Variants in GALNTL6 observed in about 807,000 individuals in gnomAD.
GALNTL6 encodes polypeptide N-acetylgalactosaminyltransferase-like 6.
GALNTL6 carries 46 observed loss-of-function variants against 73.7 expected under a neutral mutation model. That is an observed-to-expected ratio of 0.62 (90% CI 0.49 to 0.80). The LOEUF (loss-of-function observed/expected upper bound fraction) is 0.80, where lower values mean the gene tolerates loss of function less well. Ranked by LOEUF, GALNTL6 falls within the 30% of genes least tolerant of loss-of-function variation. GALNTL6 has a pLI of 0.00. For synonymous variants in GALNTL6, 259 were observed against 263.7 expected (o/e 0.98, Z 0.17); for missense variants, 604 against 755.0 (o/e 0.80, Z 2.34).
chr4:172,663,704 G>A (rs1048991526), intron 5 of GALNTL6, among the ~76,000 whole-genome samples: 4 of 152,182 alleles, frequency 2.6e-5, no homozygotes, highest in East Asian at 1.9e-4. Context: ...TGAGGCGGGT[G>A]GCTCACTTAG....
At chr4:172,371,005 G>C (rs1742787816) in intron 5 of GALNTL6, among the ~76,000 whole-genome samples, 1 of 152,088 alleles carries the variant, frequency 6.6e-6, no homozygotes, top group Non-Finnish European at 1.5e-5. Context: ...ATTTTTCTTT[G>C]CTATTAATAA....
rs189272449 is a variant in GALNTL6, at chr4:172,241,552, A to G, written c.247+11788A>G. On this transcript the variant is annotated intron_variant, in intron 3 of 12. Transcript: ENST00000506823. ...AGAGTTTTTATTATTTCATAATCTT[A>G]CACTTCATTATTTTGGTGTTAGCAT... Among the ~76,000 whole-genome samples, 269 of 152,330 alleles carry G rather than the reference A, an allele frequency of 1.8e-3. 2 individuals are homozygous for G. Among genetic ancestry groups the G allele is most frequent in the Admixed American group, 3.5e-3 (54 of 15,300 alleles).
chr4:171,970,957 T>A (rs1739552309), intron 2 of GALNTL6, among the ~76,000 whole-genome samples: 1 of 152,188 alleles, frequency 6.6e-6, no homozygotes, highest in South Asian at 2.1e-4. Context: ...AAAGATGAAA[T>A]CTGACTTTAT....
At chr4:172,645,218 T>C (rs1217748543) in intron 5 of GALNTL6, among the ~76,000 whole-genome samples, 1 of 152,002 alleles carries the variant, frequency 6.6e-6, no homozygotes, top group Non-Finnish European at 1.5e-5. Flanking sequence ...AATTTATTCA[T>C]CTTTTATTTC....
chr4:171,836,140 A>G (rs182568794), intron 2 of GALNTL6, among the ~76,000 whole-genome samples: 1 of 152,092 alleles, frequency 6.6e-6, no homozygotes, highest in African/African-American at 2.4e-5. Context: ...TAGTGTGGAC[A>G]CTGAAACAGT....
At chr4:172,515,726 G>C (rs1734582980) in intron 5 of GALNTL6, among the ~76,000 whole-genome samples, 1 of 152,144 alleles carries the variant, frequency 6.6e-6, no homozygotes, top group Non-Finnish European at 1.5e-5. Flanking sequence ...CTGGCTACTG[G>C]AACAGAGTTG....
intron 5 of GALNTL6, among the ~76,000 whole-genome samples, chr4:172,544,217 C>A (rs1160494188): frequency 1.3e-5 from 2 of 151,990 alleles, no homozygotes. Context: ...AGATTTAGAT[C>A]CATTTCCATG....
chr4:173,004,125 T>C (rs927947965), intron 10 of GALNTL6, among the ~76,000 whole-genome samples: 1 of 151,198 alleles, frequency 6.6e-6, no homozygotes, highest in Non-Finnish European at 1.5e-5. Context: ...TGGCAAGCTG[T>C]GTGAGCTGTG....
rs183681008 is a variant in GALNTL6 at position 172,393,443 on chromosome 4, G to T, written c.553+44754G>T. 3.2e-3 allele frequency among the ~76,000 whole-genome samples: 482 copies of T among 152,138 alleles called. 3 individuals are homozygous for T. The highest frequency in any genetic ancestry group is 5.2e-3 in the Non-Finnish European group (351 of 67,996). On this transcript the variant is annotated intron_variant, in intron 5 of 12. Transcript: ENST00000506823. ...AATTTGCCATTAAACAAAACGAAGAGACAACAGAGAGACTCCAACCACTCT... is the reference window on the plus strand; with the variant it reads ...AATTTGCCATTAAACAAAACGAAGATACAACAGAGAGACTCCAACCACTCT...
At chr4:171,837,367 A>G (rs1294416974) in intron 2 of GALNTL6, among the ~76,000 whole-genome samples, 2 of 151,876 alleles carry the variant, frequency 1.3e-5, no homozygotes, top group African/African-American at 4.8e-5. Context: ...TCACATTTGT[A>G]TAAAGGATAT....
At chr4:172,762,474 T>C (rs1196403408) in intron 5 of GALNTL6, among the ~76,000 whole-genome samples, 2 of 150,112 alleles carry the variant, frequency 1.3e-5, no homozygotes, top group Non-Finnish European at 3.0e-5. Context: ...AGGAGTAACA[T>C]GAAACTACAT....
chr4:172,897,899 T>C (rs1246355990), intron 8 of GALNTL6, among the ~76,000 whole-genome samples: 2 of 152,230 alleles, frequency 1.3e-5, no homozygotes, highest in African/African-American at 4.8e-5. Flanking sequence ...TTCAGTGAGA[T>C]GTAGCCATGC....
intron 2 of GALNTL6, among the ~76,000 whole-genome samples, chr4:171,876,882 C>T (rs921647063): frequency 6.6e-6 from 1 of 152,214 alleles, no homozygotes; most frequent in African/African-American, 2.4e-5. Flanking sequence ...TTCAAAATTT[C>T]AACCACGTTT....
intron 5 of GALNTL6, among the ~76,000 whole-genome samples, chr4:172,781,126 A>G (rs564292676): frequency 6.6e-6 from 1 of 152,322 alleles, no homozygotes; most frequent in South Asian, 2.1e-4. Flanking sequence ...AAAGGCCGTA[A>G]GTTAAGGAAG....
chr4:172,921,099 G>T (rs1050378122), intron 8 of GALNTL6, among the ~76,000 whole-genome samples: 1 of 152,182 alleles, frequency 6.6e-6, no homozygotes, highest in Admixed American at 6.5e-5. Context: ...ATGCCCGAGG[G>T]TGACAGAGTA....
chr4:172,026,638 C>T (rs1741593225), intron 2 of GALNTL6, among the ~76,000 whole-genome samples: 1 of 152,030 alleles, frequency 6.6e-6, no homozygotes, highest in Non-Finnish European at 1.5e-5. Flanking sequence ...ATTCATGCTG[C>T]ATTGTAATAC....
At chr4:172,321,775 A>C (rs948972053) in intron 4 of GALNTL6, among the ~76,000 whole-genome samples, 1 of 152,188 alleles carries the variant, frequency 6.6e-6, no homozygotes, top group Non-Finnish European at 1.5e-5. Context: ...AAAGCAGGGC[A>C]GGAGAGGGTC....
At chr4:172,105,050 G>A (rs2110968048) in intron 2 of GALNTL6, among the ~76,000 whole-genome samples, 1 of 151,858 alleles carries the variant, frequency 6.6e-6, no homozygotes, top group South Asian at 2.1e-4. Flanking sequence ...AATAGCAAAT[G>A]CAAATAGATT....
At chr4:172,759,828 T>C in intron 5 of GALNTL6, among the ~76,000 whole-genome samples, 1 of 17,400 alleles carries the variant, frequency 5.7e-5, no homozygotes, top group Admixed American at 5.0e-4. Context: ...TTTTTTTTTT[T>C]TTTTTTTTTT....
Sources: gnomAD v4.1 joint callset for allele counts (sites outside exome capture counted in the v4.1 genomes callset) on GRCh38, gnomAD v4.1.1 for gene constraint, MANE v1.5 for transcripts, NCBI Gene and HGNC (gene_info 2026-07-23, HGNC 2026-07-21) for gene names.